The following GRIK4 variants were observed in gnomAD, a reference collection of about 807,000 sequenced individuals.
GRIK4 encodes glutamate receptor ionotropic, kainate 4.
Under a neutral mutation model 104.9 loss-of-function variants are expected in GRIK4, and 40 were observed. That is an observed-to-expected ratio of 0.38 (90% confidence interval 0.30 to 0.50). GRIK4 has a LOEUF of 0.50. Ranked by LOEUF, GRIK4 falls within the 20% of genes least tolerant of loss-of-function variation. The pLI, the probability that GRIK4 is intolerant of heterozygous loss-of-function variation, is 0.93. For synonymous variants in GRIK4, 485 were observed against 524.9 expected (o/e 0.92, Z 1.04); for missense variants, 1,047 against 1,308.1 (o/e 0.80, Z 3.08).
chr11:120,797,198 A>G (rs953278628), intron 3 of GRIK4, among the ~76,000 whole-genome samples: 2 of 152,168 alleles, frequency 1.3e-5, no homozygotes, highest in African/African-American at 2.4e-5. Flanking sequence ...GCATCTCCCC[A>G]TCTCAGCCCT....
intron 1 of GRIK4, among the ~76,000 whole-genome samples, chr11:120,617,721 C>T (rs1949134444): frequency 6.6e-6 from 1 of 152,152 alleles, no homozygotes; most frequent in Non-Finnish European, 1.5e-5. Context: ...CTTCCTCCTG[C>T]TCCGGCTGTG....
chr11:120,777,793 C>T (rs1342436111), intron 3 of GRIK4, among the ~76,000 whole-genome samples: 63 of 151,964 alleles, frequency 4.1e-4, no homozygotes, highest in Non-Finnish European at 8.8e-5. Flanking sequence ...AAAAAGGAGC[C>T]GGGCATGATG....
At chr11:120,857,444 A>G (rs1006135192) in intron 8 of GRIK4, among the ~76,000 whole-genome samples, 5 of 152,078 alleles carry the variant, frequency 3.3e-5, no homozygotes, top group Admixed American at 3.3e-4. Flanking sequence ...AACTATAGCT[A>G]TTTGGACCCT....
chr11:120,682,858 C>T (rs893375125), intron 3 of GRIK4, among the ~76,000 whole-genome samples: 1 of 151,922 alleles, frequency 6.6e-6, no homozygotes, highest in African/African-American at 2.4e-5. Context: ...GATCCCTGAA[C>T]ATGACACACT....
chr11:120,924,172 A>G (rs941217092), intron 13 of GRIK4, among the ~76,000 whole-genome samples: 1 of 152,184 alleles, frequency 6.6e-6, no homozygotes, highest in Non-Finnish European at 1.5e-5. Context: ...ATGAAAATCC[A>G]TGAAAACATC....
At chr11:120,749,553 A>G (rs1422327984) in intron 3 of GRIK4, among the ~76,000 whole-genome samples, 1 of 152,218 alleles carries the variant, frequency 6.6e-6, no homozygotes, top group Non-Finnish European at 1.5e-5. Context: ...AAGGTGCAAG[A>G]CAGAGCAGAG....
intron 9 of GRIK4, among the ~76,000 whole-genome samples, chr11:120,866,456 G>A (rs1194554463): frequency 6.6e-6 from 1 of 152,184 alleles, no homozygotes; most frequent in Admixed American, 6.5e-5. Flanking sequence ...TGGAGAGGGT[G>A]TCCTGTCCTG....
chr11:120,926,061 T>C (rs1591291950), intron 13 of GRIK4, among the ~76,000 whole-genome samples: 2 of 152,354 alleles, frequency 1.3e-5, no homozygotes, highest in East Asian at 3.9e-4. Context: ...TCAATTTCTT[T>C]TCTTGATTCG....
chr11:120,580,989 A>T (rs936655360), intron 1 of GRIK4, among the ~76,000 whole-genome samples: 1 of 152,098 alleles, frequency 6.6e-6, no homozygotes, highest in Non-Finnish European at 1.5e-5. Flanking sequence ...GTTGTATCTC[A>T]TGGTAGTTTT....
chr11:120,612,665 C>A lies in GRIK4; in HGVS notation c.-158-41020C>A, dbSNP rs562451764. Among the ~76,000 whole-genome samples, 48 of 152,310 alleles carry A rather than the reference C, an allele frequency of 3.2e-4. 2 individuals are homozygous for A. The South Asian group carries it at 7.9e-3, about 25-fold the overall frequency. The stretch of plus-strand genomic sequence containing the variant: ...ATTTCCTGAAAGCCACTGATGACTT[C>A]ACTGAAGGCAAAAGATCTCAGTTAA... On this transcript the variant is annotated intron_variant, in intron 1 of 20. Coordinates refer to ENST00000527524, the MANE Select transcript of GRIK4 (RefSeq NM_014619.5).
At chr11:120,683,199 T>G (rs1355784716) in intron 3 of GRIK4, among the ~76,000 whole-genome samples, 2 of 152,176 alleles carry the variant, frequency 1.3e-5, no homozygotes, top group African/African-American at 2.4e-5. Context: ...TTAGGTACTA[T>G]TTCATAATCC....
intron 1 of GRIK4, among the ~76,000 whole-genome samples, chr11:120,588,677 T>C (rs112809437): frequency 1.3e-5 from 2 of 152,180 alleles, no homozygotes; most frequent in Admixed American, 6.5e-5. Flanking sequence ...CAGGGGATAG[T>C]ATAGGGCAGG....
At chr11:120,668,482 C>A (rs1459773376) in intron 3 of GRIK4, among the ~76,000 whole-genome samples, 1 of 152,170 alleles carries the variant, frequency 6.6e-6, no homozygotes, top group Non-Finnish European at 1.5e-5. Context: ...AAGACGTCAG[C>A]CCCAGCCCTT....
chr11:120,558,017 C>CAAA (rs59960959), intron 1 of GRIK4, among the ~76,000 whole-genome samples: 429 of 37,300 alleles, frequency 0.012, no homozygotes, highest in East Asian at 0.017. Flanking sequence ...GACTCCGTCT[C>CAAA]AAAAAAAAAA....
At chr11:120,846,444 T>C (rs7121233) in intron 8 of GRIK4, among the ~76,000 whole-genome samples, 46,538 of 151,932 alleles carry the variant, frequency 0.31, 8,310 homozygotes, top group East Asian at 0.49. Flanking sequence ...CTTTGGGAGT[T>C]TGGATGAGGG....
chr11:120,577,579 A>G (rs1185983767), intron 1 of GRIK4, among the ~76,000 whole-genome samples: 1 of 152,022 alleles, frequency 6.6e-6, no homozygotes, highest in Non-Finnish European at 1.5e-5. Context: ...ATTAAGATTT[A>G]ATGGGACATT....
chr11:120,796,357 A>C (rs1353554014), intron 3 of GRIK4, among the ~76,000 whole-genome samples: 1 of 151,986 alleles, frequency 6.6e-6, no homozygotes. Context: ...TTTTCAATCC[A>C]CGGTTGCTTG....
At chr11:120,857,590 A>T (rs982878544) in intron 8 of GRIK4, among the ~76,000 whole-genome samples, 3 of 150,952 alleles carry the variant, frequency 2.0e-5, no homozygotes, top group South Asian at 2.1e-4. Flanking sequence ...GTCAGGATTT[A>T]AAAAAAAAAT....
intron 1 of GRIK4, among the ~76,000 whole-genome samples, chr11:120,560,614 A>C (rs1948229409): frequency 6.6e-6 from 1 of 152,186 alleles, no homozygotes; most frequent in Non-Finnish European, 1.5e-5. Context: ...TATGATAGTA[A>C]GAGTCAAATT....
Sources: allele counts gnomAD v4.1 joint callset (sites outside exome capture counted in the v4.1 genomes callset), GRCh38; gene constraint gnomAD v4.1.1; transcripts MANE v1.5; gene names NCBI Gene and HGNC (gene_info 2026-07-23, HGNC 2026-07-21).